Variants in CERS6 observed in about 807,000 individuals in gnomAD.
CERS6 encodes ceramide synthase 6.
CERS6 carries 26 observed loss-of-function variants against 56.8 expected under a neutral mutation model. That is an observed-to-expected ratio of 0.46 (90% CI 0.34 to 0.63). The LOEUF (loss-of-function observed/expected upper bound fraction) is 0.63. CERS6 is among the 30% of genes least tolerant of loss of function. The pLI, the probability that CERS6 is intolerant of heterozygous loss-of-function variation, is 0.01. For synonymous variants in CERS6, 164 were observed against 173.3 expected (o/e 0.95, Z 0.42); for missense variants, 415 against 467.5 (o/e 0.89, Z 1.04).
At chr2:168,712,973 C>A (rs1165003014) in intron 6 of CERS6, among the ~76,000 whole-genome samples, 1 of 152,082 alleles carries the variant, frequency 6.6e-6, no homozygotes, top group Non-Finnish European at 1.5e-5. Context: ...ATGATTGCTT[C>A]TTTTTCCCCC....
At chr2:168,476,500 T>A (rs969079895) in intron 1 of CERS6, among the ~76,000 whole-genome samples, 6 of 152,172 alleles carry the variant, frequency 3.9e-5, no homozygotes, top group Non-Finnish European at 8.8e-5. Context: ...TAGATAAATA[T>A]GTTAGATAGA....
intron 4 of CERS6, among the ~76,000 whole-genome samples, chr2:168,638,735 G>A (rs1684920665): frequency 6.6e-6 from 1 of 152,160 alleles, no homozygotes; most frequent in Non-Finnish European, 1.5e-5. Context: ...GCATTGAGAA[G>A]CCTTTCCTCA....
chr2:168,680,435 A>G (rs1686183877), intron 4 of CERS6, among the ~76,000 whole-genome samples: 1 of 152,196 alleles, frequency 6.6e-6, no homozygotes, highest in African/African-American at 2.4e-5. Flanking sequence ...TCCATGAGCT[A>G]TAGGAAAGCA....
chr2:168,714,202 A>G (rs1420537505), intron 6 of CERS6, among the ~76,000 whole-genome samples: 1 of 152,174 alleles, frequency 6.6e-6, no homozygotes, highest in African/African-American at 2.4e-5. Flanking sequence ...CTCATGCCCT[A>G]ATTACCTCCC....
intron 5 of CERS6, among the ~76,000 whole-genome samples, chr2:168,691,970 C>G (rs540654038): frequency 2.4e-4 from 37 of 152,244 alleles, no homozygotes; most frequent in African/African-American, 7.0e-4. Context: ...CTATGGGGAG[C>G]AGGCTTGCCC....
intron 2 of CERS6, among the ~76,000 whole-genome samples, chr2:168,551,061 T>C (rs1695562505): frequency 1.3e-5 from 2 of 152,208 alleles, no homozygotes; most frequent in South Asian, 4.1e-4. Context: ...GACTTCATTA[T>C]AATAAGCACA....
Position 168,747,386 on chromosome 2 carries a change from A to G in CERS6, c.846-18206A>G, listed in dbSNP as rs113834532. On this transcript the variant is annotated intron_variant, in intron 8 of 9. Transcript: ENST00000305747. The stretch of plus-strand genomic sequence containing the variant: ...AAGACATGATTTTAATGTATGAATA[A>G]TGTTCTACCACTATAGATATGGATT... Among the ~76,000 whole-genome samples, 660 of 152,198 alleles carry G rather than the reference A, an allele frequency of 4.3e-3. 4 individuals are homozygous for G. Among genetic ancestry groups the G allele is most frequent in the African/African-American group, 0.014 (581 of 41,530 alleles).
intron 1 of CERS6, among the ~76,000 whole-genome samples, chr2:168,466,155 T>A (rs1306924141): frequency 1.3e-5 from 2 of 152,186 alleles, no homozygotes; most frequent in East Asian, 3.8e-4. Context: ...TATCCCGTTT[T>A]TTTAGAAGGC....
chr2:168,619,560 A>T (rs1309914865), intron 3 of CERS6, among the ~76,000 whole-genome samples: 1 of 152,202 alleles, frequency 6.6e-6, no homozygotes, highest in Non-Finnish European at 1.5e-5. Flanking sequence ...ACATTAATAG[A>T]GAATTCTCAA....
At chr2:168,721,503 C>CG (rs1325007362) in intron 8 of CERS6, among the ~76,000 whole-genome samples, 1 of 146,556 alleles carries the variant, frequency 6.8e-6, no homozygotes, top group African/African-American at 2.5e-5. Context: ...CATTGTAACT[C>CG]TAACTTTTTG....
intron 4 of CERS6, among the ~76,000 whole-genome samples, chr2:168,666,721 A>C (rs2105334261): frequency 6.6e-6 from 1 of 152,328 alleles, no homozygotes; most frequent in East Asian, 1.9e-4. Context: ...CTGCATTGAG[A>C]ACCCACATTG....
intron 1 of CERS6, among the ~76,000 whole-genome samples, chr2:168,459,196 C>G (rs1186653921): frequency 6.6e-6 from 1 of 152,154 alleles, no homozygotes; most frequent in Admixed American, 6.5e-5. Flanking sequence ...TAAGAAATAC[C>G]CGATTATCCA....
At chr2:168,464,336 T>C (rs2105319323) in intron 1 of CERS6, among the ~76,000 whole-genome samples, 1 of 152,168 alleles carries the variant, frequency 6.6e-6, no homozygotes, top group South Asian at 2.1e-4. Context: ...GGATTATGTA[T>C]TTTTAATAGA....
intron 3 of CERS6, among the ~76,000 whole-genome samples, chr2:168,630,324 ACACG>A (rs35658734): frequency 0.28 from 37,106 of 131,652 alleles, 4,788 homozygotes; most frequent in South Asian, 0.46. Flanking sequence ...ACACACACAC[ACACG>A]CACACATCTT....
intron 3 of CERS6, among the ~76,000 whole-genome samples, chr2:168,595,691 T>A (rs1365575637): frequency 6.6e-6 from 1 of 152,212 alleles, no homozygotes; most frequent in African/African-American, 2.4e-5. Flanking sequence ...ATTGTAATGG[T>A]TTGAATTGAT....
chr2:168,505,078 A>G (rs1391437409), intron 1 of CERS6, among the ~76,000 whole-genome samples: 2 of 152,246 alleles, frequency 1.3e-5, no homozygotes, highest in South Asian at 2.1e-4. Context: ...CCTAATGAGA[A>G]AAAGAAATAT....
At chr2:168,671,869 C>A (rs1337056072) in intron 4 of CERS6, among the ~76,000 whole-genome samples, 1 of 152,006 alleles carries the variant, frequency 6.6e-6, no homozygotes, top group East Asian at 1.9e-4. Flanking sequence ...TCTATACAGT[C>A]GAAAATATTT....
intron 8 of CERS6, among the ~76,000 whole-genome samples, chr2:168,754,665 G>A (rs756350157): frequency 6.6e-6 from 1 of 152,190 alleles, no homozygotes; most frequent in Non-Finnish European, 1.5e-5. Flanking sequence ...GGCAGCAGAG[G>A]GAAGCATTCT....
intron 1 of CERS6, among the ~76,000 whole-genome samples, chr2:168,531,451 A>G (rs1695164862): frequency 6.6e-6 from 1 of 152,222 alleles, no homozygotes; most frequent in African/African-American, 2.4e-5. Flanking sequence ...ACCAAATGAC[A>G]TAGTAAGCTG....
Sources: allele counts gnomAD v4.1 joint callset (sites outside exome capture counted in the v4.1 genomes callset), GRCh38; gene constraint gnomAD v4.1.1; transcripts MANE v1.5; gene names NCBI Gene and HGNC (gene_info 2026-07-23, HGNC 2026-07-21).